Variants in BIRC6 observed in about 807,000 individuals in gnomAD.
BIRC6 encodes baculoviral IAP repeat containing 6, also known as dual E2 ubiquitin-conjugating enzyme/E3 ubiquitin-protein ligase BIRC6.
BIRC6 carries 98 observed loss-of-function variants against 503.3 expected under a neutral mutation model. The ratio of observed to expected loss-of-function variants is 0.19; its 90% CI spans 0.17 to 0.23. BIRC6 has a LOEUF of 0.23. Ranked by LOEUF, BIRC6 falls within the 10% of genes least tolerant of loss-of-function variation. The probability of loss-of-function intolerance (pLI) is 1.00; values close to 1 mark genes in which losing one functional copy is unlikely to be tolerated. For synonymous variants in BIRC6, 2,240 were observed against 2,078.7 expected (o/e 1.08, Z -2.11); for missense variants, 5,360 against 5,806.0 (o/e 0.92, Z 2.50).
intron 72 of BIRC6, among the ~76,000 whole-genome samples, chr2:32,609,046 A>T (rs961931360): frequency 6.7e-6 from 1 of 150,358 alleles, no homozygotes; most frequent in East Asian, 2.0e-4. Context: ...CAACTGGCTA[A>T]TTTTTTTTGT....
Position 32,406,796 on chromosome 2 carries a change from C to T in BIRC6, c.1477+239C>T, listed in dbSNP as rs375215789. ...CCAAAGGAATTACAGTGGATAGTTA[C>T]GTTAAAGTTTTGTCACATATGTCAG... On this transcript the variant is annotated intron_variant, in intron 9 of 73. Transcript: ENST00000421745. 2.9e-4 allele frequency among the ~76,000 whole-genome samples: 44 copies of T among 152,138 alleles called. 1 individual carries two copies. The South Asian group carries it at 8.7e-3, about 30-fold the overall frequency.
chr2:32,540,697 G>A (rs1463061948), intron 61 of BIRC6, among the ~76,000 whole-genome samples: 2 of 151,768 alleles, frequency 1.3e-5, no homozygotes, highest in African/African-American at 4.8e-5. Context: ...CTACTGTTTG[G>A]TGCTTTTGCT....
intron 46 of BIRC6, among the ~76,000 whole-genome samples, chr2:32,501,347 T>G (rs1001595534): frequency 2.0e-5 from 3 of 152,208 alleles, no homozygotes; most frequent in Admixed American, 6.5e-5. Context: ...CTCAGTCATA[T>G]AACAGAACAA....
At chr2:32,434,300 T>C (rs2044445655) in intron 13 of BIRC6, among the ~76,000 whole-genome samples, 1 of 152,186 alleles carries the variant, frequency 6.6e-6, no homozygotes, top group Admixed American at 6.5e-5. Context: ...TACTACTGAG[T>C]GTTTTCTCCT....
At chr2:32,486,105 A>G (rs933296815) in intron 40 of BIRC6, among the ~76,000 whole-genome samples, 3 of 152,216 alleles carry the variant, frequency 2.0e-5, no homozygotes, top group Admixed American at 2.0e-4. Context: ...TTTATGATGA[A>G]GTAGATTTTT....
At chr2:32,495,906 C>T (rs1056962468) in intron 45 of BIRC6, among the ~76,000 whole-genome samples, 1 of 148,682 alleles carries the variant, frequency 6.7e-6, no homozygotes, top group Non-Finnish European at 1.5e-5. Flanking sequence ...GGTACGATCT[C>T]GGCTCACTGC....
chr2:32,476,971 C>T (rs2049835576), intron 34 of BIRC6, among the ~76,000 whole-genome samples: 2 of 152,186 alleles, frequency 1.3e-5, no homozygotes, highest in African/African-American at 2.4e-5. Context: ...GATTATTCCG[C>T]CAGATTTTGA....
At chr2:32,458,065 A>G (rs564739788) in intron 23 of BIRC6, among the ~76,000 whole-genome samples, 5 of 152,258 alleles carry the variant, frequency 3.3e-5, no homozygotes, top group Non-Finnish European at 7.4e-5. Flanking sequence ...TAGGGATTCT[A>G]AGTTACTAGT....
chr2:32,578,468 T>G (rs1431637013), intron 66 of BIRC6, among the ~76,000 whole-genome samples: 1 of 152,106 alleles, frequency 6.6e-6, no homozygotes, highest in Non-Finnish European at 1.5e-5. Context: ...TATTTTAGTG[T>G]TTTTTGAGGG....
chr2:32,358,792 TATCTA>T (rs1204392530), intron 1 of BIRC6, among the ~76,000 whole-genome samples: 1 of 152,226 alleles, frequency 6.6e-6, no homozygotes, highest in Non-Finnish European at 1.5e-5. Context: ...ACTTGGAACA[TATCTA>T]AGAGAAAGTT....
intron 23 of BIRC6, among the ~76,000 whole-genome samples, chr2:32,454,997 A>G (rs973973631): frequency 1.3e-5 from 2 of 152,202 alleles, no homozygotes; most frequent in Admixed American, 6.5e-5. Flanking sequence ...CATTTACACT[A>G]GAATAGAAAC....
intron 52 of BIRC6, 38 bp downstream of exon 52, chr2:32,510,032 T>G: frequency 6.2e-7 from 1 of 1,601,950 alleles, no homozygotes; most frequent in East Asian, 2.2e-5. Flanking sequence ...TTTACATATC[T>G]GTAAAGTAAC....
At chr2:32,377,251 A>G (rs941837681) in intron 1 of BIRC6, among the ~76,000 whole-genome samples, 69 of 130,724 alleles carry the variant, frequency 5.3e-4, no homozygotes, top group Non-Finnish European at 8.3e-4. Flanking sequence ...GTGTGTGTGT[A>G]TACACATCAT....
chr2:32,408,817 A>G (rs780093343), intron 9 of BIRC6, among the ~76,000 whole-genome samples: 3 of 152,212 alleles, frequency 2.0e-5, no homozygotes, highest in Admixed American at 2.0e-4. Context: ...TAGCTGTGGT[A>G]AGAGAAAATA....
intron 8 of BIRC6, among the ~76,000 whole-genome samples, chr2:32,403,978 A>T (rs1167805897): frequency 6.7e-6 from 1 of 148,960 alleles, no homozygotes; most frequent in African/African-American, 2.5e-5. Flanking sequence ...CCCAGGTTAG[A>T]GTGCAGTGGC....
At position 32,482,458 on chromosome 2, in the gene BIRC6, G is replaced by C; in HGVS notation, c.7572G>C (p.Trp2524Cys). The C allele has an allele frequency of 6.2e-7, 1 of 1,613,766 alleles. No homozygotes were observed. The highest frequency in any genetic ancestry group is 8.5e-7 in the Non-Finnish European group (1 of 1,179,810). ...TAAGCAGTACATGGTATGATTATTG[G>C]GGTGCTGATTATGGGACCTACAATT... The part of the protein sequence containing the change: ...KPISSTWYDY[W>C]GADYGTYNYN... The change falls in exon 39 of 74, where the codon TGG (tryptophan) becomes TGC (cysteine). Residue 2524 changes from tryptophan to cysteine, a missense_variant. Around this residue, in one of 16 missense-constraint regions of BIRC6, gnomAD observed 2,299 missense variants for 2,267.2 expected, o/e 1.01. Transcript: ENST00000421745.
At chr2:32,456,213 T>G (rs1558775586) in intron 23 of BIRC6, among the ~76,000 whole-genome samples, 2 of 152,204 alleles carry the variant, frequency 1.3e-5, no homozygotes, top group Non-Finnish European at 2.9e-5. Context: ...GAATAACCAC[T>G]TAATGATGCA....
intron 43 of BIRC6, 81 bp downstream of exon 43, chr2:32,490,232 C>A: frequency 8.1e-7 from 1 of 1,230,030 alleles, no homozygotes; most frequent in Non-Finnish European, 1.2e-6. Context: ...CAGAGTTTTC[C>A]AAGGAGTGGT....
At chr2:32,371,215 C>G (rs1165263271) in intron 1 of BIRC6, among the ~76,000 whole-genome samples, 2 of 28,708 alleles carry the variant, frequency 7.0e-5, no homozygotes, top group South Asian at 4.4e-3. Context: ...GACCCTGTCT[C>G]AAAAAAAAAA....
Sources: gnomAD v4.1 joint callset for allele counts (sites outside exome capture counted in the v4.1 genomes callset) on GRCh38, gnomAD v4.1.1 for gene constraint, gnomAD v4.1.1 regional missense constraint, MANE v1.5 for transcripts, NCBI Gene and HGNC (gene_info 2026-07-23, HGNC 2026-07-21) for gene names.